PDE4D: variants seen among roughly 807,000 people sequenced by gnomAD.
PDE4D encodes 3',5'-cyclic-AMP phosphodiesterase 4D.
Under a neutral mutation model 87.4 loss-of-function variants are expected in PDE4D, and 24 were observed. The observed-to-expected ratio is 0.27, with a 90% CI of 0.20 to 0.39. The LOEUF is 0.39. Ranked by LOEUF, PDE4D falls within the 10% of genes least tolerant of loss-of-function variation. The probability of loss-of-function intolerance (pLI) is 1.00; values close to 1 mark genes in which losing one functional copy is unlikely to be tolerated. For missense variants in PDE4D, 714 were observed against 1,041.0 expected (o/e 0.69, Z 4.32); for synonymous variants, 384 against 383.2 (o/e 1.00, Z -0.02).
intron 1 of PDE4D, among the ~76,000 whole-genome samples, chr5:59,653,814 A>G (rs1357011523): frequency 6.6e-6 from 1 of 150,986 alleles, no homozygotes; most frequent in Non-Finnish European, 1.5e-5. Context: ...AAAGAGTGGA[A>G]AGGGAAAGAC....
intron 1 of PDE4D, among the ~76,000 whole-genome samples, chr5:59,524,637 T>G (rs988953208): frequency 3.9e-5 from 6 of 151,994 alleles, no homozygotes; most frequent in African/African-American, 1.2e-4. Context: ...ACCAAGACAA[T>G]GAGGAAAATG....
At chr5:60,320,801 A>T (rs936581816) in intron 1 of PDE4D, among the ~76,000 whole-genome samples, 2 of 152,308 alleles carry the variant, frequency 1.3e-5, no homozygotes, top group Admixed American at 6.5e-5. Context: ...ACAATCCTAC[A>T]ATAGCCACAA....
At chr5:59,477,970 T>A (rs974938210) in intron 1 of PDE4D, among the ~76,000 whole-genome samples, 1 of 151,990 alleles carries the variant, frequency 6.6e-6, no homozygotes. Flanking sequence ...ACGCTCTCAC[T>A]TGTAAGTGGG....
chr5:59,911,697 T>C (rs531097562), intron 3 of PDE4D, among the ~76,000 whole-genome samples: 17 of 152,314 alleles, frequency 1.1e-4, no homozygotes, highest in South Asian at 6.2e-4. Context: ...CCTACCAGAA[T>C]CTAATGTCTG....
At chr5:60,337,376 T>TACACACACACACACAC (rs1561133934) in intron 1 of PDE4D, among the ~76,000 whole-genome samples, 1 of 118,800 alleles carries the variant, frequency 8.4e-6, no homozygotes, top group African/African-American at 3.5e-5. Context: ...TATATATATA[T>TACACACACACACACAC]ATATATATAT....
In PDE4D at chr5:59,498,459, T is replaced by C. The variant is rs149283048; in HGVS notation, c.456-282491A>G. On this transcript the variant is annotated intron_variant, in intron 1 of 14. Coordinates refer to ENST00000340635, the MANE Select transcript of PDE4D (RefSeq NM_001104631.2). ...ATGTAAGGTTTTATTCCTGTCATAG[T>C]GTTTTAACACTCCATTTAAAAGGCA... Among the ~76,000 whole-genome samples the C allele has an allele frequency of 4.2e-3, 631 of 151,960 alleles. 6 individuals are homozygous for C. The highest frequency in any genetic ancestry group is 0.015 in the African/African-American group (616 of 41,506).
At chr5:59,209,574 A>AT (rs1449839567) in intron 2 of PDE4D, among the ~76,000 whole-genome samples, 1 of 152,248 alleles carries the variant, frequency 6.6e-6, no homozygotes, top group African/African-American at 2.4e-5. Flanking sequence ...TAATATCTCA[A>AT]TTTTTTAATA....
At chr5:59,481,393 G>A (rs139258262) in intron 1 of PDE4D, among the ~76,000 whole-genome samples, 2,362 of 151,752 alleles carry the variant, frequency 0.016, 76 homozygotes, top group African/African-American at 0.055. Context: ...AAAAGTTCGA[G>A]TCAAGAAGCC....
At chr5:60,208,848 T>G (rs1408059363) in intron 1 of PDE4D, among the ~76,000 whole-genome samples, 3 of 152,114 alleles carry the variant, frequency 2.0e-5, no homozygotes, top group African/African-American at 7.2e-5. Context: ...CTATCCAGCA[T>G]GCAGAAGTTG....
intron 1 of PDE4D, among the ~76,000 whole-genome samples, chr5:60,439,388 G>A (rs1745015339): frequency 6.6e-6 from 1 of 151,824 alleles, no homozygotes; most frequent in South Asian, 2.1e-4. Flanking sequence ...TCTTCTCCAT[G>A]AAGCTATCCT....
intron 2 of PDE4D, among the ~76,000 whole-genome samples, chr5:60,160,581 GCTTT>G (rs775792414): frequency 1.3e-5 from 2 of 152,020 alleles, no homozygotes; most frequent in Non-Finnish European, 2.9e-5. Context: ...TTATTCAGTT[GCTTT>G]CTTTATTAGT....
chr5:60,104,987 C>A (rs1040694556), intron 2 of PDE4D, among the ~76,000 whole-genome samples: 19 of 152,218 alleles, frequency 1.2e-4, no homozygotes, highest in Non-Finnish European at 2.5e-4. Context: ...AGTTCCTCAC[C>A]AGCAATGGAA....
intron 1 of PDE4D, among the ~76,000 whole-genome samples, chr5:59,340,190 T>G (rs1367637910): frequency 6.6e-6 from 1 of 152,196 alleles, no homozygotes; most frequent in East Asian, 1.9e-4. Flanking sequence ...AAATTTGATC[T>G]CATTTATCAC....
At chr5:60,496,213 T>C (rs796106316) in intron 1 of PDE4D, among the ~76,000 whole-genome samples, 30 of 152,292 alleles carry the variant, frequency 2.0e-4, no homozygotes, top group East Asian at 7.7e-4. Flanking sequence ...CGCTCCTGAG[T>C]ATAGGACAAA....
At chr5:59,412,116 GA>G (rs1365611300) in intron 1 of PDE4D, among the ~76,000 whole-genome samples, 5 of 152,158 alleles carry the variant, frequency 3.3e-5, no homozygotes, top group Admixed American at 6.5e-5. Flanking sequence ...ACTTTTATAG[GA>G]TACTTTAAAG....
chr5:60,259,222 T>C (rs889951398), intron 1 of PDE4D, among the ~76,000 whole-genome samples: 7 of 152,050 alleles, frequency 4.6e-5, no homozygotes, highest in Admixed American at 4.6e-4. Flanking sequence ...CAGAAGCTTA[T>C]AAGAAATACA....
chr5:59,521,396 G>A (rs1812216278), intron 1 of PDE4D, among the ~76,000 whole-genome samples: 1 of 152,188 alleles, frequency 6.6e-6, no homozygotes, highest in South Asian at 2.1e-4. Context: ...GAGACCCCAA[G>A]TCTTGTATGG....
At chr5:60,077,349 G>A (rs1248544272) in intron 2 of PDE4D, among the ~76,000 whole-genome samples, 1 of 152,214 alleles carries the variant, frequency 6.6e-6, no homozygotes, top group Non-Finnish European at 1.5e-5. Flanking sequence ...GGCCATTGGT[G>A]AGTATGTGAA....
rs1034636852 is a variant in PDE4D at position 59,341,881 on chromosome 5, G to C, written c.456-125913C>G. Among the ~76,000 whole-genome samples, 3 of 152,278 alleles carry C rather than the reference G, an allele frequency of 2.0e-5. No individual in the cohort carries two copies. The East Asian group carries it at 5.8e-4, about 29-fold the overall frequency. On this transcript the variant is annotated intron_variant, in intron 1 of 14. Coordinates refer to ENST00000340635, the MANE Select transcript of PDE4D (RefSeq NM_001104631.2). The stretch of plus-strand genomic sequence containing the variant: ...CCTATTCTTGTGAATAACGCTAGCT[G>C]ATGTGAGCTGACTGTTTACTCTATG...
Sources: allele counts gnomAD v4.1 joint callset (sites outside exome capture counted in the v4.1 genomes callset), GRCh38; gene constraint gnomAD v4.1.1; transcripts MANE v1.5; gene names NCBI Gene and HGNC (gene_info 2026-07-23, HGNC 2026-07-21).